The following CENPW variants were observed in gnomAD, a reference collection of about 807,000 sequenced individuals.
CENPW encodes the protein centromere protein W, also known as cancer-up-regulated gene 2 protein.
CENPW carries 3 observed loss-of-function variants against 11.1 expected under a neutral mutation model. That is an observed-to-expected ratio of 0.27 (90% CI 0.12 to 0.70). The LOEUF (loss-of-function observed/expected upper bound fraction) is 0.70. CENPW is among the 30% of genes least tolerant of loss of function. The pLI, the probability that CENPW is intolerant of heterozygous loss-of-function variation, is 0.77. For missense variants in CENPW, 100 were observed against 105.6 expected (o/e 0.95, Z 0.23); for synonymous variants, 38 against 42.0 (o/e 0.91, Z 0.37).
At chr6:126,452,857 C>A in the CENPW span, among the ~76,000 whole-genome samples, 1 of 150,824 alleles carries the variant, frequency 6.6e-6, no homozygotes, top group Non-Finnish European at 1.5e-5. Flanking sequence ...AAGCTAAAGA[C>A]AAAGAAAAAT....
At chr6:126,468,689 T>G in the CENPW span, among the ~76,000 whole-genome samples, 4 of 152,250 alleles carry the variant, frequency 2.6e-5, no homozygotes, top group South Asian at 8.3e-4. Flanking sequence ...TTCTGTAAAT[T>G]TAAAATTGTT....
chr6:126,392,063 A>G, the CENPW span, among the ~76,000 whole-genome samples: 5 of 151,974 alleles, frequency 3.3e-5, no homozygotes, highest in African/African-American at 1.2e-4. Flanking sequence ...TGCTTTGGGT[A>G]ATATGGAAAT....
At chr6:126,406,040 G>A in the CENPW span, among the ~76,000 whole-genome samples, 1 of 152,082 alleles carries the variant, frequency 6.6e-6, no homozygotes, top group African/African-American at 2.4e-5. Context: ...CTAGTTCCTA[G>A]AGGAAAAGCT....
chr6:126,446,784 G>A, the CENPW span, among the ~76,000 whole-genome samples: 14 of 151,178 alleles, frequency 9.3e-5, no homozygotes, highest in East Asian at 1.4e-3. Context: ...AACATTGTAC[G>A]TAGTTTTTTC....
At chr6:126,400,159 G>A in the CENPW span, among the ~76,000 whole-genome samples, 2 of 151,982 alleles carry the variant, frequency 1.3e-5, no homozygotes, top group African/African-American at 4.8e-5. Flanking sequence ...ATATTAGAGT[G>A]AGTAACAGTT....
chr6:126,446,783 C>T, the CENPW span, among the ~76,000 whole-genome samples: 6 of 150,894 alleles, frequency 4.0e-5, no homozygotes, highest in East Asian at 1.9e-4. Flanking sequence ...TAACATTGTA[C>T]GTAGTTTTTT....
At chr6:126,387,833 C>G in the CENPW span, among the ~76,000 whole-genome samples, 1 of 151,918 alleles carries the variant, frequency 6.6e-6, no homozygotes, top group Non-Finnish European at 1.5e-5. Flanking sequence ...CCCATGTCCA[C>G]TTTCCAAAGT....
the CENPW span, among the ~76,000 whole-genome samples, chr6:126,408,706 G>T: frequency 6.6e-6 from 1 of 152,078 alleles, no homozygotes; most frequent in Non-Finnish European, 1.5e-5. Flanking sequence ...GTTCAATATT[G>T]TTAGGTTGTA....
At chr6:126,462,716 A>G in the CENPW span, among the ~76,000 whole-genome samples, 1 of 151,956 alleles carries the variant, frequency 6.6e-6, no homozygotes, top group African/African-American at 2.4e-5. Context: ...TTATTTAAAA[A>G]AACAACAATA....
the CENPW span, among the ~76,000 whole-genome samples, chr6:126,364,765 T>C: frequency 2.5e-3 from 382 of 152,322 alleles, 1 homozygote; most frequent in Non-Finnish European, 3.9e-3. Context: ...GTCTCTTACC[T>C]TGTCACCCTC....
At chr6:126,379,468 T>C in the CENPW span, among the ~76,000 whole-genome samples, 2 of 152,190 alleles carry the variant, frequency 1.3e-5, no homozygotes, top group Non-Finnish European at 2.9e-5. Context: ...AGGAAAGATA[T>C]TGGCCTCCAG....
the CENPW span, among the ~76,000 whole-genome samples, chr6:126,390,431 AT>A: frequency 6.6e-6 from 1 of 151,956 alleles, no homozygotes; most frequent in Non-Finnish European, 1.5e-5. Flanking sequence ...TAAATGGGAT[AT>A]CCATCCCCTC....
At chr6:126,372,026 G>A in the CENPW span, among the ~76,000 whole-genome samples, 138 of 150,926 alleles carry the variant, frequency 9.1e-4, no homozygotes, top group African/African-American at 3.2e-3. Context: ...TTATCTTTGC[G>A]AGGAACCAGC....
Position 126,346,246 on chromosome 6 carries a change from A to G in CENPW, c.168A>G (p.Glu56=). 1 of 1,606,112 alleles carries G rather than the reference A, an allele frequency of 6.2e-7. No individual in the cohort carries two copies. The stretch of plus-strand genomic sequence containing the variant: ...TACTGTTTGTTCATCGATTAGCAGA[A>G]GAGTCCAGGACAAACGCTTGTGCGA... The part of the protein sequence containing the change: ...NCLLFVHRLA[E]ESRTNACASK... The change falls in exon 2 of 3, where the codon GAA becomes GAG. Residue 56 remains glutamate (E), a synonymous_variant. Coordinates refer to ENST00000368328, the MANE Select transcript of CENPW (RefSeq NM_001012507.4).
At chr6:126,411,803 G>C in the CENPW span, among the ~76,000 whole-genome samples, 1 of 152,124 alleles carries the variant, frequency 6.6e-6, no homozygotes, top group Non-Finnish European at 1.5e-5. Context: ...ATGAAGCACT[G>C]TGTAGCAATT....
chr6:126,470,813 G>C, the CENPW span, among the ~76,000 whole-genome samples: 1 of 152,194 alleles, frequency 6.6e-6, no homozygotes, highest in South Asian at 2.1e-4. Flanking sequence ...TTTAATGATG[G>C]CCTCACTGAA....
chr6:126,414,148 C>T, the CENPW span, among the ~76,000 whole-genome samples: 1 of 151,760 alleles, frequency 6.6e-6, no homozygotes, highest in Non-Finnish European at 1.5e-5. Context: ...GCACGAAGCA[C>T]CAGAACACAT....
the CENPW span, among the ~76,000 whole-genome samples, chr6:126,473,370 C>A: frequency 2.0e-5 from 3 of 152,036 alleles, no homozygotes; most frequent in African/African-American, 7.2e-5. Flanking sequence ...TGATATATGG[C>A]TTTTAAATTA....
At chr6:126,472,958 A>C in the CENPW span, among the ~76,000 whole-genome samples, 264 of 152,350 alleles carry the variant, frequency 1.7e-3, 3 homozygotes, top group Non-Finnish European at 2.8e-4. Flanking sequence ...GCAAATAAAC[A>C]CAAGAAAGAT....
Sources: allele counts gnomAD v4.1 joint callset (sites outside exome capture counted in the v4.1 genomes callset), GRCh38; gene constraint gnomAD v4.1.1; transcripts MANE v1.5; gene names NCBI Gene and HGNC (gene_info 2026-07-23, HGNC 2026-07-21).